SLK: variants seen among roughly 807,000 people sequenced by gnomAD.
SLK encodes the protein STE20-like serine/threonine-protein kinase.
Under a neutral mutation model 147.7 loss-of-function variants are expected in SLK, and 67 were observed. That is an observed-to-expected ratio of 0.45 (90% CI 0.37 to 0.56). The LOEUF (loss-of-function observed/expected upper bound fraction) is 0.56. SLK is among the 20% of genes least tolerant of loss of function. SLK has a pLI of 0.00. For missense variants in SLK, 1,136 were observed against 1,438.8 expected, an observed-to-expected ratio of 0.79 and a Z score of 3.41; for synonymous variants, 441 against 475.0, an observed-to-expected ratio of 0.93 and a Z score of 0.93.
At chr10:103,999,613 A>G (rs1844218760) in intron 6 of SLK, among the ~76,000 whole-genome samples, 1 of 152,162 alleles carries the variant, frequency 6.6e-6, no homozygotes, top group South Asian at 2.1e-4. Flanking sequence ...TTTATTAGAA[A>G]TTTTGTGCTT....
intron 13 of SLK, among the ~76,000 whole-genome samples, chr10:104,014,710 CAA>C (rs1844440447): frequency 6.6e-6 from 1 of 152,030 alleles, no homozygotes; most frequent in Non-Finnish European, 1.5e-5. Context: ...TTCTAGACCC[CAA>C]AGTTATATTT....
In SLK at chr10:104,028,568, T is replaced by C. The variant is rs1338552810; in HGVS notation, c.*2848T>C. On this transcript the variant is annotated 3_prime_UTR_variant, in exon 19 of 19. Coordinates refer to ENST00000369755, the MANE Select transcript of SLK (RefSeq NM_014720.4). The stretch of plus-strand genomic sequence containing the variant: ...CAGGATACAGCAAATTATAATTAAA[T>C]ATAAATTACCAGAACCAGAGCTACC... 7.2e-5 allele frequency: 11 copies of C among 152,208 alleles called. No homozygotes were observed. The highest frequency in any genetic ancestry group is 1.2e-4 in the Non-Finnish European group (8 of 68,042). 9.4% of individuals were successfully genotyped at this position (152,208 alleles called of 1,614,324 possible). A position where few individuals can be genotyped will look rare whatever the true frequency, so the allele number is the denominator to read the frequency against.
At chr10:103,982,076 T>C (rs1236044460) in intron 1 of SLK, among the ~76,000 whole-genome samples, 1 of 152,240 alleles carries the variant, frequency 6.6e-6, no homozygotes, top group East Asian at 1.9e-4. Flanking sequence ...TTATTCTCTT[T>C]GATGCTATCG....
intron 3 of SLK, 134 bp downstream of exon 3, chr10:103,992,780 TTA>T (rs1844117901): frequency 1.3e-6 from 1 of 743,994 alleles, no homozygotes; most frequent in Non-Finnish European, 2.1e-6. Flanking sequence ...AAGTATGTTT[TTA>T]TATTCTTGGA....
intron 9 of SLK, among the ~76,000 whole-genome samples, chr10:104,004,049 A>G (rs975749663): frequency 1.3e-5 from 2 of 151,952 alleles, no homozygotes; most frequent in Non-Finnish European, 2.9e-5. Context: ...ACTAGCGGCT[A>G]TGTAGAAGTC....
At chr10:104,020,311 C>T (rs1373298989) in intron 16 of SLK, among the ~76,000 whole-genome samples, 177 bp from the exon 17 acceptor site, 1 of 152,206 alleles carries the variant, frequency 6.6e-6, no homozygotes, top group Non-Finnish European at 1.5e-5. Flanking sequence ...AGGTTTTAAT[C>T]AGAAGTTCCT....
Position 104,005,848 on chromosome 10 carries a change from A to G in SLK, c.2481-64A>G, listed in dbSNP as rs1230428424. 7.7e-6 allele frequency: 12 copies of G among 1,552,760 alleles called. No individual in the cohort carries two copies. The African/African-American group carries it at 1.5e-4, about 20-fold the overall frequency. ...AAAGAAAATTTTTAAAGCTTTAAAA[A>G]AAAACGTATTTCAGAAGTGTAATTT... On this transcript the variant is annotated intron_variant, in intron 10 of 18. Transcript: ENST00000369755.
chr10:103,989,880 G>A (rs1844068995), intron 1 of SLK, among the ~76,000 whole-genome samples: 2 of 152,090 alleles, frequency 1.3e-5, no homozygotes, highest in African/African-American at 4.8e-5. Context: ...ACAGAAACCC[G>A]CACATACATG....
At chr10:104,006,616 T>C (rs1251569468) in intron 11 of SLK, among the ~76,000 whole-genome samples, 1 of 152,232 alleles carries the variant, frequency 6.6e-6, no homozygotes, top group Admixed American at 6.5e-5. Context: ...ATTAGTAATG[T>C]AATATAAAAT....
intron 9 of SLK, among the ~76,000 whole-genome samples, chr10:104,003,873 T>C (rs1410367022): frequency 6.6e-6 from 1 of 152,224 alleles, no homozygotes; most frequent in Admixed American, 6.5e-5. Flanking sequence ...GATGTCTTTT[T>C]AAGCACATTT....
At chr10:103,972,144 T>C (rs1843800887) in intron 1 of SLK, among the ~76,000 whole-genome samples, 1 of 152,224 alleles carries the variant, frequency 6.6e-6, no homozygotes, top group Admixed American at 6.5e-5. Context: ...CGTTGTAGCA[T>C]TGTATTCTAT....
At chr10:103,994,216 A>C (rs1452647313) in intron 4 of SLK, among the ~76,000 whole-genome samples, 2 of 152,184 alleles carry the variant, frequency 1.3e-5, no homozygotes, top group African/African-American at 4.8e-5. Flanking sequence ...ACCACACCAG[A>C]AATTGTGTAG....
rs767290046 is a variant in SLK at position 104,003,300 on chromosome 10, G to A, written c.2122G>A (p.Val708Ile). 3 of 1,614,032 alleles carry A rather than the reference G, an allele frequency of 1.9e-6. No individual in the cohort carries two copies. The South Asian group carries it at 3.3e-5, about 18-fold the overall frequency. ...VVSQPTEPQP[V>I]LIPSININSD... ...TTCACAGCCCACTGAACCTCAGCCT[G>A]TTCTAATACCCAGTATTAATATCAA... Residue 708 changes from valine to isoleucine, a missense_variant, in exon 9 of 19, where the codon GTT becomes ATT. This residue lies in a region of SLK where 516 missense variants were observed against 531.3 expected (regional missense o/e 0.97). Coordinates refer to ENST00000369755, the MANE Select transcript of SLK (RefSeq NM_014720.4).
At chr10:103,979,097 C>G (rs1178530493) in intron 1 of SLK, among the ~76,000 whole-genome samples, 1 of 152,212 alleles carries the variant, frequency 6.6e-6, no homozygotes, top group African/African-American at 2.4e-5. Flanking sequence ...CTCACTGCAA[C>G]CTCCGCTTCC....
chr10:104,007,327 C>T (rs1159223452), intron 11 of SLK, among the ~76,000 whole-genome samples: 9 of 152,008 alleles, frequency 5.9e-5, no homozygotes, highest in Admixed American at 1.3e-4. Flanking sequence ...AATTTTGGGT[C>T]GGGCGCAGTG....
chr10:104,001,830 C>T (rs1033448485), intron 8 of SLK, among the ~76,000 whole-genome samples: 1 of 152,110 alleles, frequency 6.6e-6, no homozygotes, highest in African/African-American at 2.4e-5. Flanking sequence ...GTTCTTGGGC[C>T]TCAGCCTCCC....
At chr10:104,007,598 A>G (rs1844343505) in intron 11 of SLK, among the ~76,000 whole-genome samples, 1 of 151,188 alleles carries the variant, frequency 6.6e-6, no homozygotes. Context: ...ACAGAGGGAG[A>G]TCCTGTCTCA....
At chr10:104,010,747 C>T (rs2134513528) in intron 12 of SLK, 69 bp from the exon 13 acceptor site, 3 of 959,906 alleles carry the variant, frequency 3.1e-6, no homozygotes, top group Non-Finnish European at 4.5e-6. Context: ...TGTAGCTTAT[C>T]TGCTCTCATA....
intron 16 of SLK, 104 bp from the exon 17 acceptor site, chr10:104,020,384 C>A: frequency 9.1e-7 from 1 of 1,098,832 alleles, no homozygotes; most frequent in Middle Eastern, 2.8e-4. Flanking sequence ...TTACTTGTAG[C>A]TTCAGTTTAT....
Sources: allele counts gnomAD v4.1 joint callset (sites outside exome capture counted in the v4.1 genomes callset), GRCh38; gene constraint gnomAD v4.1.1; regional missense constraint gnomAD v4.1.1; transcripts MANE v1.5; gene names NCBI Gene and HGNC (gene_info 2026-07-23, HGNC 2026-07-21).